RYR3: variants seen among roughly 807,000 people sequenced by gnomAD.
RYR3 encodes ryanodine receptor 3, also known as brain ryanodine receptor-calcium release channel.
Under a neutral mutation model 584.3 loss-of-function variants are expected in RYR3, and 207 were observed. The observed-to-expected ratio is 0.35, with a 90% CI of 0.32 to 0.40. The LOEUF (loss-of-function observed/expected upper bound fraction) is 0.40. Among genes scored for constraint, RYR3 ranks in the 10% least tolerant of loss-of-function variants. The pLI, the probability that RYR3 is intolerant of heterozygous loss-of-function variation, is 1.00. For synonymous variants in RYR3, 2,416 were observed against 2,248.5 expected, an observed-to-expected ratio of 1.07 and a Z score of -2.11; for missense variants, 5,616 against 6,089.2, an observed-to-expected ratio of 0.92 and a Z score of 2.59.
intron 11 of RYR3, among the ~76,000 whole-genome samples, chr15:33,564,193 C>T (rs1405573960): frequency 2.6e-5 from 4 of 152,120 alleles, no homozygotes; most frequent in Non-Finnish European, 5.9e-5. Flanking sequence ...TTCTGGGACT[C>T]GAGGTGCCAA....
At chr15:33,335,778 A>T (rs1034221602) in intron 1 of RYR3, among the ~76,000 whole-genome samples, 1 of 151,514 alleles carries the variant, frequency 6.6e-6, no homozygotes, top group Non-Finnish European at 1.5e-5. Flanking sequence ...TGGTTTGCCA[A>T]CCCCTACCTG....
chr15:33,708,752 T>C (rs902882855), intron 43 of RYR3, among the ~76,000 whole-genome samples: 1 of 152,212 alleles, frequency 6.6e-6, no homozygotes, highest in Non-Finnish European at 1.5e-5. Context: ...GGTACTTCTT[T>C]AGAAGGGTGT....
At chr15:33,530,861 T>A (rs776134048) in intron 4 of RYR3, among the ~76,000 whole-genome samples, 195 bp downstream of exon 4, 6 of 152,192 alleles carry the variant, frequency 3.9e-5, no homozygotes, top group Non-Finnish European at 7.3e-5. Context: ...GTTTTTTGTT[T>A]CATCAATGTC....
intron 1 of RYR3, among the ~76,000 whole-genome samples, chr15:33,410,992 A>G (rs149973496): frequency 0.016 from 2,481 of 152,304 alleles, 74 homozygotes; most frequent in African/African-American, 0.056. Flanking sequence ...CCATGAGAAC[A>G]GTATGGGGGA....
intron 94 of RYR3, chr15:33,851,828 C>G (rs1260141775): frequency 6.6e-6 from 1 of 151,970 alleles, no homozygotes; most frequent in Non-Finnish European, 1.5e-5. Flanking sequence ...GTTTTATTTT[C>G]AATTTAAATG....
At chr15:33,552,076 G>A (rs1303694081) in intron 10 of RYR3, among the ~76,000 whole-genome samples, 4 of 152,160 alleles carry the variant, frequency 2.6e-5, no homozygotes, top group East Asian at 1.9e-4. Flanking sequence ...CTCGGGATAT[G>A]CTGCCAGGGT....
chr15:33,853,601 A>C lies in RYR3; in HGVS notation c.13718A>C (p.Glu4573Ala). The change falls in exon 96 of 104, where the codon GAA becomes GCA. Residue 4573 changes from glutamate to alanine, a missense_variant. By Grantham distance (107) the Glu-to-Ala change is moderately radical. Transcript: ENST00000634891. ...GDLYGAERIA[E>A]LLGLDKNALD... ...CTCTACGGAGCAGAACGCATTGCTG[A>C]ACTTCTGGGTTTGGACAAAAATGCT... 1 of 1,613,998 alleles carries C rather than the reference A, an allele frequency of 6.2e-7. No homozygotes were observed. Among genetic ancestry groups the C allele is most frequent in the South Asian group, 1.1e-5 (1 of 91,082 alleles).
chr15:33,530,680 G>C lies in RYR3; in HGVS notation c.354+14G>C, dbSNP rs777012158. On this transcript the variant is annotated intron_variant, in intron 4 of 103. Transcript: ENST00000634891. The stretch of plus-strand genomic sequence containing the variant: ...TTCAGCGGAATGGTAAGCAGCTCTG[G>C]TGCCCACTTTCATCATTCAAGGAGA... 1 of 1,602,784 alleles carries C rather than the reference G, an allele frequency of 6.2e-7. No individual in the cohort carries two copies. Among genetic ancestry groups the C allele is most frequent in the Non-Finnish European group, 8.5e-7 (1 of 1,170,126 alleles).
rs368287549 is a variant in RYR3 at position 33,465,699 on chromosome 15, T to G, written c.52-7720T>G. The G allele has an allele frequency of 1.7e-3, 900 of 518,924 alleles. 4 individuals carry two copies. The highest frequency in any genetic ancestry group is 2.3e-3 in the Non-Finnish European group (598 of 259,788). 32.1% of individuals were successfully genotyped at this position (518,924 alleles called of 1,614,324 possible). On this transcript the variant is annotated intron_variant, in intron 1 of 103. Coordinates refer to ENST00000634891, the MANE Select transcript of RYR3 (RefSeq NM_001036.6). The stretch of plus-strand genomic sequence containing the variant: ...GGAGGACAGCAGTGAGAAACAAGTT[T>G]GGAGGTGATTACAATAGTTGTGACA...
chr15:33,680,779 A>T (rs2064541489), intron 38 of RYR3, among the ~76,000 whole-genome samples: 1 of 152,248 alleles, frequency 6.6e-6, no homozygotes, highest in African/African-American at 2.4e-5. Flanking sequence ...GTTAAGAAGG[A>T]AGAAGAGACA....
At chr15:33,493,635 C>A (rs1035143520) in intron 2 of RYR3, among the ~76,000 whole-genome samples, 16 of 152,224 alleles carry the variant, frequency 1.1e-4, no homozygotes, top group South Asian at 4.1e-4. Flanking sequence ...AACATGCCGA[C>A]CATGTGCTGC....
chr15:33,631,358 G>A, intron 23 of RYR3, 65 bp downstream of exon 23: 1 of 1,101,862 alleles, frequency 9.1e-7, no homozygotes, highest in Non-Finnish European at 1.3e-6. Flanking sequence ...TAATCCAGGA[G>A]GGTGGTACCA....
At chr15:33,530,699 A>G in intron 4 of RYR3, 33 bp downstream of exon 4, 3 of 1,534,422 alleles carry the variant, frequency 2.0e-6, no homozygotes, top group Non-Finnish European at 1.8e-6. Context: ...TTCATCATTC[A>G]AGGAGAAGGA....
chr15:33,338,937 A>G (rs763882009), intron 1 of RYR3, among the ~76,000 whole-genome samples: 21 of 152,236 alleles, frequency 1.4e-4, no homozygotes, highest in Non-Finnish European at 2.1e-4. Context: ...CTGTAAAACT[A>G]TAAAGGAAAG....
At chr15:33,323,561 T>G (rs1222303382) in intron 1 of RYR3, among the ~76,000 whole-genome samples, 1 of 152,126 alleles carries the variant, frequency 6.6e-6, no homozygotes, top group Non-Finnish European at 1.5e-5. Flanking sequence ...GTGGAAGATG[T>G]ACTTAAACTG....
chr15:33,768,664 C>G lies in RYR3; in HGVS notation c.8712C>G (p.Phe2904Leu), dbSNP rs772042275. ...HKEKEMVAGLFCKLAALVRHR... is the reference protein window; with the variant it reads ...HKEKEMVAGLLCKLAALVRHR... ...GCTTTCTTTTCTGCTTCAGCCTGTT[C>G]TGCAAACTTGCCGCTCTCGTTAGAC... The change falls in exon 61 of 104, where the codon TTC becomes TTG. Residue 2904 changes from phenylalanine to leucine, a missense_variant. Transcript: ENST00000634891. 2 of 1,613,856 alleles carry G rather than the reference C, an allele frequency of 1.2e-6. No individual in the cohort carries two copies. Among genetic ancestry groups the G allele is most frequent in the African/African-American group, 2.7e-5 (2 of 74,926 alleles).
chr15:33,347,013 G>C (rs949059494), intron 1 of RYR3, among the ~76,000 whole-genome samples: 2 of 152,114 alleles, frequency 1.3e-5, no homozygotes, highest in African/African-American at 4.8e-5. Context: ...GATTAGGCTG[G>C]GAGTATGTGT....
chr15:33,627,729 T>C (rs1277434256), intron 20 of RYR3, among the ~76,000 whole-genome samples: 1 of 152,210 alleles, frequency 6.6e-6, no homozygotes, highest in Non-Finnish European at 1.5e-5. Flanking sequence ...TTTGACATGA[T>C]TTTTTGTTGT....
intron 1 of RYR3, among the ~76,000 whole-genome samples, chr15:33,469,827 G>T (rs1465812738): frequency 1.3e-5 from 2 of 152,168 alleles, no homozygotes; most frequent in Non-Finnish European, 2.9e-5. Flanking sequence ...AAGACCAATC[G>T]TTGAGCAGTC....
Sources: gnomAD v4.1 joint callset for allele counts (sites outside exome capture counted in the v4.1 genomes callset) on GRCh38, gnomAD v4.1.1 for gene constraint, MANE v1.5 for transcripts, NCBI Gene and HGNC (gene_info 2026-07-23, HGNC 2026-07-21) for gene names.